MAGI1: variants seen among roughly 807,000 people sequenced by gnomAD.
The protein encoded by MAGI1 is membrane associated guanylate kinase, WW and PDZ domain containing 1, also known as membrane-associated guanylate kinase, WW and PDZ domain-containing protein 1.
A neutral mutation model predicts 139.9 loss-of-function variants in MAGI1; 58 were observed. The observed-to-expected ratio is 0.41, with a 90% CI of 0.34 to 0.52. MAGI1 has a LOEUF of 0.52. MAGI1 is among the 20% of genes least tolerant of loss of function. MAGI1 has a pLI of 0.12. For missense variants in MAGI1, 1,874 were observed against 1,901.6 expected (o/e 0.99, Z 0.27); for synonymous variants, 812 against 737.9 (o/e 1.10, Z -1.63).
chr3:65,575,969 C>A (rs1425398835), intron 2 of MAGI1, among the ~76,000 whole-genome samples: 1 of 152,058 alleles, frequency 6.6e-6, no homozygotes, highest in Non-Finnish European at 1.5e-5. Flanking sequence ...AATGTATGTT[C>A]GTTTTCTTAA....
intron 1 of MAGI1, among the ~76,000 whole-genome samples, chr3:65,849,468 CAT>C (rs10529813): frequency 0.038 from 5,471 of 144,684 alleles, 135 homozygotes; most frequent in African/African-American, 0.066. Flanking sequence ...AGTAAACTTT[CAT>C]ATATATATAT....
At chr3:65,532,494 T>C (rs551752877) in intron 2 of MAGI1, among the ~76,000 whole-genome samples, 2 of 152,300 alleles carry the variant, frequency 1.3e-5, no homozygotes, top group South Asian at 4.1e-4. Flanking sequence ...AATTACATTC[T>C]ATCAATGGGA....
intron 1 of MAGI1, among the ~76,000 whole-genome samples, chr3:65,921,973 T>C (rs538672535): frequency 6.7e-6 from 1 of 150,248 alleles, no homozygotes; most frequent in African/African-American, 2.5e-5. Flanking sequence ...AAGGAAAGAA[T>C]ATACAAAATG....
At chr3:65,397,527 G>C (rs1049666870) in intron 13 of MAGI1, among the ~76,000 whole-genome samples, 4 of 151,198 alleles carry the variant, frequency 2.6e-5, no homozygotes, top group Non-Finnish European at 5.9e-5. Context: ...ACTTTTTGTA[G>C]GATTTTTTTT....
At chr3:65,988,848 T>C (rs1316617422) in intron 1 of MAGI1, among the ~76,000 whole-genome samples, 1 of 152,120 alleles carries the variant, frequency 6.6e-6, no homozygotes, top group Non-Finnish European at 1.5e-5. Context: ...CCCCACCCAC[T>C]GACTTATTAA....
chr3:65,669,029 C>T (rs1267042939), intron 1 of MAGI1, among the ~76,000 whole-genome samples: 1 of 152,024 alleles, frequency 6.6e-6, no homozygotes, highest in African/African-American at 2.4e-5. Flanking sequence ...CCTCCACCTC[C>T]CAGGTTCAAG....
At chr3:65,576,242 G>A (rs1410839183) in intron 2 of MAGI1, among the ~76,000 whole-genome samples, 4 of 152,142 alleles carry the variant, frequency 2.6e-5, no homozygotes, top group Non-Finnish European at 5.9e-5. Context: ...CAAGTAACAC[G>A]TATTAATAAC....
chr3:65,662,069 T>C (rs946695301), intron 1 of MAGI1, among the ~76,000 whole-genome samples: 1 of 152,100 alleles, frequency 6.6e-6, no homozygotes, highest in Admixed American at 6.6e-5. Flanking sequence ...TTCTTTATTA[T>C]TGCTGCCAAG....
chr3:65,818,586 C>T (rs1051031904), intron 1 of MAGI1, among the ~76,000 whole-genome samples: 3 of 152,140 alleles, frequency 2.0e-5, no homozygotes, highest in African/African-American at 7.2e-5. Flanking sequence ...CAAGAAATGC[C>T]TTGTACAACA....
intron 1 of MAGI1, among the ~76,000 whole-genome samples, chr3:65,977,707 T>C (rs1465043048): frequency 6.6e-6 from 1 of 150,834 alleles, no homozygotes. Flanking sequence ...TGAGACTCCA[T>C]CCTCCTGCCA....
chr3:65,807,239 G>C (rs1410644290), intron 1 of MAGI1, among the ~76,000 whole-genome samples: 1 of 152,178 alleles, frequency 6.6e-6, no homozygotes, highest in Non-Finnish European at 1.5e-5. Context: ...TCCCAGTTCT[G>C]GAGGCTGGGA....
chr3:65,429,309 G>C (rs983177087), intron 12 of MAGI1, among the ~76,000 whole-genome samples: 2 of 151,908 alleles, frequency 1.3e-5, no homozygotes, highest in African/African-American at 4.8e-5. Flanking sequence ...TCTGATTTCT[G>C]TTTTAAGGTA....
intron 1 of MAGI1, among the ~76,000 whole-genome samples, chr3:65,648,308 T>C (rs998887586): frequency 6.7e-6 from 1 of 150,278 alleles, no homozygotes; most frequent in East Asian, 1.9e-4. Flanking sequence ...TGTGTGTGTG[T>C]GTGTGTGTGC....
intron 1 of MAGI1, among the ~76,000 whole-genome samples, chr3:65,906,991 G>C (rs145330627): frequency 6.7e-6 from 1 of 150,328 alleles, no homozygotes; most frequent in East Asian, 2.0e-4. Context: ...AGAGAAATGA[G>C]ATTTCCCTTT....
At chr3:65,811,987 T>G (rs73832965) in intron 1 of MAGI1, among the ~76,000 whole-genome samples, 1 of 151,468 alleles carries the variant, frequency 6.6e-6, no homozygotes, top group South Asian at 2.1e-4. Flanking sequence ...CTCGCAGCTA[T>G]AAACACAAAA....
chr3:65,836,524 A>T (rs1385652657), intron 1 of MAGI1, among the ~76,000 whole-genome samples: 2 of 152,290 alleles, frequency 1.3e-5, no homozygotes, highest in Admixed American at 6.5e-5. Context: ...ATGGTTGTCT[A>T]AAGAAAGGGA....
intron 2 of MAGI1, among the ~76,000 whole-genome samples, chr3:65,536,910 T>A (rs1333860787): frequency 6.6e-6 from 1 of 152,150 alleles, no homozygotes; most frequent in Non-Finnish European, 1.5e-5. Flanking sequence ...GCTAACATGG[T>A]TTGGGTACCC....
intron 1 of MAGI1, among the ~76,000 whole-genome samples, chr3:65,987,147 C>T (rs894031841): frequency 3.3e-5 from 5 of 152,256 alleles, no homozygotes; most frequent in East Asian, 1.9e-4. Flanking sequence ...GGATTACAGG[C>T]GTGAGCTACC....
At chr3:65,539,067 C>A (rs1044050053) in intron 2 of MAGI1, among the ~76,000 whole-genome samples, 2 of 152,044 alleles carry the variant, frequency 1.3e-5, no homozygotes, top group Non-Finnish European at 2.9e-5. Context: ...ATACCAACTA[C>A]CATCAAACAG....
Sources: allele counts gnomAD v4.1 joint callset (sites outside exome capture counted in the v4.1 genomes callset), GRCh38; gene constraint gnomAD v4.1.1; transcripts MANE v1.5; gene names NCBI Gene and HGNC (gene_info 2026-07-23, HGNC 2026-07-21).